C5orf34: variants seen among roughly 807,000 people sequenced by gnomAD.
The protein encoded by C5orf34 is chromosome 5 open reading frame 34.
Under a neutral mutation model 78.4 loss-of-function variants are expected in C5orf34, and 73 were observed. The ratio of observed to expected loss-of-function variants is 0.93; its 90% CI spans 0.77 to 1.13. The LOEUF is 1.13. Among genes scored for constraint, C5orf34 ranks in the 50% most tolerant of loss-of-function variants. The pLI is 0.00. For missense variants in C5orf34, 730 were observed against 732.7 expected (o/e 1.00, Z 0.04); for synonymous variants, 251 against 246.6 (o/e 1.02, Z -0.17).
rs200171151 is a variant in C5orf34, at chr5:43,505,978, T to C, written c.702A>G (p.Val234=). The change falls in exon 4 of 13, where the codon GTA becomes GTG. Residue 234 remains valine (V), a synonymous_variant. Coordinates refer to ENST00000306862, the MANE Select transcript of C5orf34 (RefSeq NM_198566.4). Reference sequence around the variant, plus strand: ...ACCAGCACTGCTTGACCCATGTGTATACACATGTGTGCTTTGTACCAGGCG... The same window carrying C: ...ACCAGCACTGCTTGACCCATGTGTACACACATGTGTGCTTTGTACCAGGCG... The part of the protein sequence containing the change: ...LPSPGTKHTC[V]YTWVKQCWSV... 162 of 1,614,120 alleles carry C rather than the reference T, an allele frequency of 1.0e-4. No homozygotes were observed. Among genetic ancestry groups the C allele is most frequent in the Non-Finnish European group, 1.3e-4 (149 of 1,180,058 alleles).
chr5:43,496,719 G>A (rs564262328), intron 6 of C5orf34, among the ~76,000 whole-genome samples: 5 of 149,416 alleles, frequency 3.3e-5, no homozygotes, highest in Admixed American at 2.0e-4. Flanking sequence ...AAGTAGCCAG[G>A]ACCACAGGCA....
At chr5:43,493,686 C>T (rs528861990) in intron 7 of C5orf34, 74 bp from the exon 8 acceptor site, 2 of 788,262 alleles carry the variant, frequency 2.5e-6, no homozygotes, top group Non-Finnish European at 4.3e-6. Context: ...TTTTCACTGC[C>T]ATACAACATT....
intron 8 of C5orf34, 146 bp from the exon 9 acceptor site, chr5:43,493,036 G>A: frequency 8.4e-6 from 3 of 355,160 alleles, no homozygotes; most frequent in South Asian, 3.9e-5. Context: ...TTCCAGAAGT[G>A]GATACCCAAA....
In C5orf34 at chr5:43,506,897, A is replaced by G. The variant is rs548810907; in HGVS notation, c.286-503T>C. Among the ~76,000 whole-genome samples the G allele has an allele frequency of 2.6e-5, 4 of 152,322 alleles. No individual in the cohort carries two copies. In the South Asian group the frequency reaches 8.3e-4, roughly 32 times the overall value. On this transcript the variant is annotated intron_variant, in intron 3 of 12. Transcript: ENST00000306862. ...ATTGACAGAACAACTCAGAAAATTC[A>G]AAAACAAACTCAATCATATCTTAAA...
intron 1 of C5orf34, among the ~76,000 whole-genome samples, chr5:43,512,622 C>T (rs1215289168): frequency 1.3e-5 from 2 of 152,156 alleles, no homozygotes; most frequent in Non-Finnish European, 2.9e-5. Context: ...CAGTTTTCTT[C>T]TTCACTTCTA....
intron 10 of C5orf34, 90 bp downstream of exon 10, chr5:43,492,123 AAT>A: frequency 1.2e-6 from 1 of 853,244 alleles, no homozygotes; most frequent in Non-Finnish European, 1.8e-6. Context: ...AAAAACTAAA[AAT>A]ATATATAACA....
At chr5:43,499,795 C>A (rs1000186702) in intron 6 of C5orf34, among the ~76,000 whole-genome samples, 3 of 152,200 alleles carry the variant, frequency 2.0e-5, no homozygotes, top group Non-Finnish European at 4.4e-5. Context: ...TATGCATCGA[C>A]ATCTACCTCA....
At chr5:43,497,951 C>A (rs1285385471) in intron 6 of C5orf34, among the ~76,000 whole-genome samples, 5 of 152,218 alleles carry the variant, frequency 3.3e-5, no homozygotes, top group Non-Finnish European at 7.3e-5. Context: ...CCTCCTCCAG[C>A]ACCTCCCTTT....
chr5:43,502,220 A>C (rs1272848914), intron 6 of C5orf34, 152 bp downstream of exon 6: 2 of 738,730 alleles, frequency 2.7e-6, no homozygotes, highest in Non-Finnish European at 4.5e-6. Context: ...TAATTACTGT[A>C]CCAATGCTGG....
rs747592433 is a variant in C5orf34, at chr5:43,487,941, G to A, written c.1688C>T (p.Ala563Val). Residue 563 changes from alanine to valine, a missense_variant, in exon 12 of 13, where the codon GCT (alanine) becomes GTT (valine). Physicochemically the swap from Ala to Val is moderately conservative, Grantham distance 64 (BLOSUM62 0). Transcript: ENST00000306862. ...SSVLQENWSV[A>V]SELEKIQKFN... Reference sequence around the variant, plus strand: ...CTTCTGTATCTTTTCAAGTTCAGAAGCAACAGACCTGTCCAAGGAAAAAGA... The same window carrying A: ...CTTCTGTATCTTTTCAAGTTCAGAAACAACAGACCTGTCCAAGGAAAAAGA... 6.2e-7 allele frequency: 1 copy of A among 1,604,966 alleles called. No homozygotes were observed.
rs1305087759 is a variant in C5orf34, at chr5:43,503,705, C to G, written c.988G>C (p.Glu330Gln). 1.2e-6 allele frequency: 2 copies of G among 1,613,618 alleles called. No individual in the cohort carries two copies. The highest frequency in any genetic ancestry group is 1.1e-5 in the South Asian group (1 of 91,054). ...QRQSDEYSYP[E>Q]LVKMVWYKGV... Reference sequence around the variant, plus strand: ...TTGTACCAAACCATTTTCACTAGTTCAGGATAGGAATATTCATCAGATTGT... The same window carrying G: ...TTGTACCAAACCATTTTCACTAGTTGAGGATAGGAATATTCATCAGATTGT... The change falls in exon 5 of 13, where the codon GAA becomes CAA. Residue 330 changes from glutamate (E) to glutamine (Q), a missense_variant. Coordinates refer to ENST00000306862, the MANE Select transcript of C5orf34 (RefSeq NM_198566.4).
chr5:43,489,554 G>C (rs1017008192), intron 11 of C5orf34, among the ~76,000 whole-genome samples: 1 of 152,082 alleles, frequency 6.6e-6, no homozygotes, highest in African/African-American at 2.4e-5. Context: ...TGAAGTGATG[G>C]TTTTATAGAC....
chr5:43,496,192 G>A, intron 6 of C5orf34: 3 of 1,552,862 alleles, frequency 1.9e-6, no homozygotes, highest in Non-Finnish European at 2.6e-6. Flanking sequence ...ATCAATGATA[G>A]TCACATAGTA....
At chr5:43,488,053 CG>C in intron 11 of C5orf34, 104 bp from the exon 12 acceptor site, 1 of 778,522 alleles carries the variant, frequency 1.3e-6, no homozygotes, top group Admixed American at 2.7e-5. Context: ...GAATTTTAAA[CG>C]GAAGAACGCA....
intron 6 of C5orf34, chr5:43,495,483 C>G: frequency 6.2e-7 from 1 of 1,607,590 alleles, no homozygotes; most frequent in Non-Finnish European, 8.5e-7. Flanking sequence ...CTGTCACCAG[C>G]AACGTTGCCA....
chr5:43,488,778 GA>G (rs1745160049), intron 11 of C5orf34, among the ~76,000 whole-genome samples: 1 of 152,028 alleles, frequency 6.6e-6, no homozygotes, highest in African/African-American at 2.4e-5. Flanking sequence ...TATCAAGTTA[GA>G]ATGAAATATG....
intron 6 of C5orf34, among the ~76,000 whole-genome samples, chr5:43,498,362 C>G (rs1436459436): frequency 6.6e-6 from 1 of 152,146 alleles, no homozygotes; most frequent in African/African-American, 2.4e-5. Context: ...TCTCTGAAAT[C>G]TGGATCCATC....
At chr5:43,511,732 C>T (rs1746269357) in intron 1 of C5orf34, among the ~76,000 whole-genome samples, 2 of 152,158 alleles carry the variant, frequency 1.3e-5, no homozygotes, top group South Asian at 4.1e-4. Flanking sequence ...ACCTTACCCC[C>T]AACCCTGTGC....
At chr5:43,497,847 G>T (rs34617389) in intron 6 of C5orf34, among the ~76,000 whole-genome samples, 1 of 152,248 alleles carries the variant, frequency 6.6e-6, no homozygotes, top group South Asian at 2.1e-4. Context: ...TGGAATTAGC[G>T]TCATTTCAAA....
Sources: allele counts gnomAD v4.1 joint callset (sites outside exome capture counted in the v4.1 genomes callset), GRCh38; gene constraint gnomAD v4.1.1; transcripts MANE v1.5; gene names NCBI Gene and HGNC (gene_info 2026-07-23, HGNC 2026-07-21).